Variants in GABRB1 observed in about 807,000 individuals in gnomAD.
The protein encoded by GABRB1 is gamma-aminobutyric acid receptor subunit beta-1.
Under a neutral mutation model 51.6 loss-of-function variants are expected in GABRB1, and 17 were observed. The ratio of observed to expected loss-of-function variants is 0.33; its 90% CI spans 0.23 to 0.49. GABRB1 has a LOEUF of 0.49. Among genes scored for constraint, GABRB1 ranks in the 20% least tolerant of loss-of-function variants. The pLI, the probability that GABRB1 is intolerant of heterozygous loss-of-function variation, is 0.99. For missense variants in GABRB1, 410 were observed against 600.6 expected, an observed-to-expected ratio of 0.68 and a Z score of 3.32; for synonymous variants, 247 against 218.9, an observed-to-expected ratio of 1.13 and a Z score of -1.14.
chr4:47,003,948 G>A (rs1225479609), intron 1 of GABRB1, among the ~76,000 whole-genome samples: 2 of 152,032 alleles, frequency 1.3e-5, no homozygotes, highest in Admixed American at 6.6e-5. Flanking sequence ...TATGTTATGC[G>A]GCATTACAAT....
intron 3 of GABRB1, among the ~76,000 whole-genome samples, chr4:47,075,905 C>A (rs1727527370): frequency 6.6e-6 from 1 of 152,114 alleles, no homozygotes; most frequent in African/African-American, 2.4e-5. Flanking sequence ...CCTTTGGAGC[C>A]TGCCTGGGTC....
intron 3 of GABRB1, among the ~76,000 whole-genome samples, chr4:47,087,868 C>G (rs1452344946): frequency 6.6e-6 from 1 of 152,028 alleles, no homozygotes; most frequent in African/African-American, 2.4e-5. Context: ...GTAAAGCATC[C>G]AGCACATTAG....
intron 3 of GABRB1, among the ~76,000 whole-genome samples, chr4:47,106,052 A>G (rs1044458773): frequency 1.3e-5 from 2 of 152,076 alleles, no homozygotes; most frequent in African/African-American, 4.8e-5. Context: ...CTGTGACCTC[A>G]GCACTCATTA....
chr4:47,398,942 C>T (rs994088277), intron 5 of GABRB1, among the ~76,000 whole-genome samples: 8 of 152,218 alleles, frequency 5.3e-5, no homozygotes, highest in East Asian at 1.9e-4. Context: ...AGGGGCCCGC[C>T]ACCACGTCCG....
chr4:47,278,766 A>C (rs1560311057), intron 4 of GABRB1, among the ~76,000 whole-genome samples: 1 of 152,170 alleles, frequency 6.6e-6, no homozygotes, highest in Non-Finnish European at 1.5e-5. Context: ...TGACAATTTC[A>C]GTTGCCAGAC....
intron 3 of GABRB1, among the ~76,000 whole-genome samples, chr4:47,132,463 A>G (rs1282265046): frequency 6.6e-6 from 1 of 152,082 alleles, no homozygotes; most frequent in Non-Finnish European, 1.5e-5. Flanking sequence ...ATCACTTTAA[A>G]AAAGCTTTAA....
intron 3 of GABRB1, among the ~76,000 whole-genome samples, chr4:47,134,690 G>A (rs1249069410): frequency 1.3e-5 from 2 of 152,108 alleles, no homozygotes; most frequent in African/African-American, 4.8e-5. Context: ...TAGTCTTGAA[G>A]TAGAGATAAA....
chr4:47,279,935 T>A (rs952471576), intron 4 of GABRB1, among the ~76,000 whole-genome samples: 3 of 152,018 alleles, frequency 2.0e-5, no homozygotes, highest in African/African-American at 7.2e-5. Flanking sequence ...GTTTTTTTTT[T>A]AGCCATTCAG....
chr4:47,162,011 T>C (rs985143782), intron 4 of GABRB1, among the ~76,000 whole-genome samples: 3 of 152,196 alleles, frequency 2.0e-5, no homozygotes, highest in African/African-American at 7.2e-5. Context: ...ATTTAGTTGA[T>C]AGCTTTGGTC....
At chr4:47,246,362 AT>A (rs1171985162) in intron 4 of GABRB1, among the ~76,000 whole-genome samples, 4 of 33,938 alleles carry the variant, frequency 1.2e-4, no homozygotes, top group Non-Finnish European at 2.1e-4. Flanking sequence ...ATATATATAT[AT>A]ATATATATAT....
chr4:47,030,769 G>T (rs558575358), upstream of GABRB1, among the ~76,000 whole-genome samples: 6 of 152,138 alleles, frequency 3.9e-5, no homozygotes, highest in African/African-American at 1.4e-4. Flanking sequence ...TCTGCTAGGG[G>T]TCACAAATAC....
chr4:47,422,605 T>C (rs937960978), intron 8 of GABRB1, among the ~76,000 whole-genome samples: 8 of 152,282 alleles, frequency 5.3e-5, no homozygotes, highest in Non-Finnish European at 5.9e-5. Context: ...TAGCAAGATG[T>C]TATTTGTTCT....
chr4:47,094,973 C>G (rs1349870400), intron 3 of GABRB1, among the ~76,000 whole-genome samples: 11 of 151,388 alleles, frequency 7.3e-5, no homozygotes, highest in Admixed American at 7.2e-4. Context: ...TGAGGAGACA[C>G]CTGAAGAAAG....
chr4:47,219,238 TA>T (rs1455224835), intron 4 of GABRB1, among the ~76,000 whole-genome samples: 1 of 151,870 alleles, frequency 6.6e-6, no homozygotes, highest in Non-Finnish European at 1.5e-5. Flanking sequence ...GATGATATAT[TA>T]AAGTTCAATT....
intron 4 of GABRB1, among the ~76,000 whole-genome samples, chr4:47,162,424 T>C (rs1386405901): frequency 6.6e-6 from 1 of 151,794 alleles, no homozygotes; most frequent in Non-Finnish European, 1.5e-5. Context: ...CAAGAATATA[T>C]AAAAAGTTGA....
intron 3 of GABRB1, among the ~76,000 whole-genome samples, chr4:47,099,489 G>A (rs1714628809): frequency 6.6e-6 from 1 of 152,070 alleles, no homozygotes; most frequent in South Asian, 2.1e-4. Context: ...CTGCCTAATG[G>A]AGGAAGTTCA....
intron 4 of GABRB1, among the ~76,000 whole-genome samples, chr4:47,247,768 T>A (rs1721822851): frequency 6.6e-6 from 1 of 152,060 alleles, no homozygotes; most frequent in Non-Finnish European, 1.5e-5. Flanking sequence ...TATTATATAT[T>A]TTTTTGCAGC....
Position 47,125,559 on chromosome 4 carries a change from C to CTTTTTTTTTTTTTTTTT in GABRB1, c.241-35676_241-35675insTTTTTTTTTTTTTTTTT, listed in dbSNP as rs71195605. 9.2e-4 allele frequency among the ~76,000 whole-genome samples: 74 copies of CTTTTTTTTTTTTTTTTT among 80,708 alleles called. 17 individuals are homozygous for CTTTTTTTTTTTTTTTTT. Among genetic ancestry groups the CTTTTTTTTTTTTTTTTT allele is most frequent in the East Asian group, 1.5e-3 (4 of 2,600 alleles). 52.9% of individuals were successfully genotyped at this position (80,708 alleles called of 152,430 possible). ...CTCTAGACACAACAAAGTATAATTT[C>CTTTTTTTTTTTTTTTTT]TTTTTTTTTTTTTTGAGACGGAGTC... On this transcript the variant is annotated intron_variant, in intron 3 of 8. Transcript: ENST00000295454.
intron 5 of GABRB1, among the ~76,000 whole-genome samples, chr4:47,369,637 C>T (rs1003102104): frequency 5.3e-5 from 8 of 152,094 alleles, no homozygotes; most frequent in African/African-American, 1.9e-4. Flanking sequence ...ATGAACTCAG[C>T]CAAGTTTTTT....
Sources: gnomAD v4.1 joint callset for allele counts (sites outside exome capture counted in the v4.1 genomes callset) on GRCh38, gnomAD v4.1.1 for gene constraint, MANE v1.5 for transcripts, NCBI Gene and HGNC (gene_info 2026-07-23, HGNC 2026-07-21) for gene names.